CSF1R: variants seen among roughly 807,000 people sequenced by gnomAD.
The protein encoded by CSF1R is colony stimulating factor 1 receptor, also known as macrophage colony-stimulating factor 1 receptor.
Under a neutral mutation model 110.0 loss-of-function variants are expected in CSF1R, and 40 were observed. That is an observed-to-expected ratio of 0.36 (90% CI 0.28 to 0.47). The LOEUF (loss-of-function observed/expected upper bound fraction) is 0.47, where lower values mean the gene tolerates loss of function less well. Ranked by LOEUF, CSF1R falls within the 20% of genes least tolerant of loss-of-function variation. The pLI is 0.99. For synonymous variants in CSF1R, 523 were observed against 503.4 expected (o/e 1.04, Z -0.52); for missense variants, 1,052 against 1,253.0 (o/e 0.84, Z 2.42).
upstream of CSF1R, among the ~76,000 whole-genome samples, chr5:150,091,426 T>C (rs1206077123): frequency 3.3e-5 from 5 of 152,348 alleles, no homozygotes; most frequent in Non-Finnish European, 4.4e-5. Context: ...TTGAATATTA[T>C]TCAGCTATAA....
rs750051732 is a variant in CSF1R, at chr5:150,073,450, C to T, written c.933G>A (p.Gln311=). 1.9e-6 allele frequency: 3 copies of T among 1,614,014 alleles called. No individual in the cohort carries two copies. The highest frequency in any genetic ancestry group is 2.5e-6 in the Non-Finnish European group (3 of 1,179,994). The change falls in exon 6 of 21, where the codon CAG becomes CAA. Residue 311 remains glutamine, a synonymous_variant. Coordinates refer to ENST00000675795, the MANE Select transcript of CSF1R (RefSeq NM_001288705.3). ...TGAGCCCCTCCCCCACGGTCACCTC[C>T]TGGATGAGGTTCTGCTCAGAGCTCA... is the stretch of plus-strand genomic sequence containing the variant. ...LNLSSEQNLI[Q]EVTVGEGLNL...
chr5:150,107,438 C>A (rs1042486418), intron 1 of CSF1R, among the ~76,000 whole-genome samples: 4 of 152,252 alleles, frequency 2.6e-5, no homozygotes, highest in African/African-American at 7.2e-5. Context: ...GCACACTCTT[C>A]ATGCCAGTCT....
intron 10 of CSF1R, among the ~76,000 whole-genome samples, chr5:150,063,181 C>A (rs1757608369): frequency 6.6e-6 from 1 of 152,120 alleles, no homozygotes; most frequent in South Asian, 2.1e-4. Context: ...CCACACCTGG[C>A]TAATTTTTGT....
Position 150,061,795 on chromosome 5 carries a change from A to G in CSF1R, c.1681T>C (p.Tyr561His). 1 of 1,614,202 alleles carries G rather than the reference A, an allele frequency of 6.2e-7. No homozygotes were observed. The highest frequency in any genetic ancestry group is 8.5e-7 in the Non-Finnish European group (1 of 1,180,040). Reference sequence around the variant, plus strand: ...AGCTGCGTGGGGTCGATGAAAGTATAACTGTTGCCCTCATAGCTCTCGATG... The same window carrying G: ...AGCTGCGTGGGGTCGATGAAAGTATGACTGTTGCCCTCATAGCTCTCGATG... Reference protein sequence around the residue: ...KIIESYEGNSYTFIDPTQLPY... With the variant: ...KIIESYEGNSHTFIDPTQLPY... The change falls in exon 11 of 21, where the codon TAT (tyrosine) becomes CAT (histidine). Residue 561 changes from tyrosine to histidine, a missense_variant. Tyr to His is a moderately conservative substitution (Grantham distance 83, BLOSUM62 2). This residue lies in a region of CSF1R where 693 missense variants were observed against 735.4 expected (regional missense o/e 0.94). Transcript: ENST00000675795.
intron 1 of CSF1R, among the ~76,000 whole-genome samples, chr5:150,108,203 A>G (rs1354915655): frequency 1.3e-5 from 2 of 152,256 alleles, no homozygotes; most frequent in African/African-American, 2.4e-5. Context: ...CATAAGAGGC[A>G]CAGACAAAGG....
rs563597428 is a variant in CSF1R at position 150,086,386 on chromosome 5, A to C, written c.42T>G (p.Ala14=). Residue 14 remains alanine (A), a synonymous_variant, in exon 1 of 21, where the codon GCT becomes GCG. Transcript: ENST00000675795. ...GVLLLLLVAT[A]WHGQGIPVIE... Reference sequence around the variant, plus strand: ...CCCCCGTTCTGCTCTTACCATGCCAAGCTGTGGCCACCAGCAGGAGCAGCA... The same window carrying C: ...CCCCCGTTCTGCTCTTACCATGCCACGCTGTGGCCACCAGCAGGAGCAGCA... The C allele has an allele frequency of 2.5e-6, 4 of 1,609,316 alleles. No individual in the cohort carries two copies. Among genetic ancestry groups the C allele is most frequent in the Non-Finnish European group, 3.4e-6 (4 of 1,178,126 alleles).
intron 14 of CSF1R, 24 bp from the exon 15 acceptor site, chr5:150,057,616 G>A (rs1399474614): frequency 2.5e-6 from 4 of 1,591,910 alleles, no homozygotes; most frequent in Middle Eastern, 1.7e-4. Flanking sequence ...AGGGTTGGGG[G>A]GCAGAGGTCA....
intron 3 of CSF1R, among the ~76,000 whole-genome samples, chr5:150,078,726 G>T (rs972685319): frequency 6.6e-6 from 1 of 152,104 alleles, no homozygotes; most frequent in Non-Finnish European, 1.5e-5. Context: ...ACTGCAGCCC[G>T]CTGGACCTCT....
At chr5:150,109,259 T>C (rs1409755472) in intron 1 of CSF1R, among the ~76,000 whole-genome samples, 2 of 152,110 alleles carry the variant, frequency 1.3e-5, no homozygotes, top group African/African-American at 4.8e-5. Context: ...GCTCTGAGCC[T>C]CAACCTCCTC....
chr5:150,061,404 G>T, intron 12 of CSF1R, 87 bp downstream of exon 12: 2 of 1,171,994 alleles, frequency 1.7e-6, no homozygotes, highest in Non-Finnish European at 2.4e-6. Context: ...GTTGAAATGT[G>T]TGTGATGCCT....
upstream of CSF1R, among the ~76,000 whole-genome samples, chr5:150,087,137 G>A (rs957197323): frequency 6.6e-5 from 10 of 152,156 alleles, no homozygotes; most frequent in South Asian, 4.1e-4. Context: ...AAATTGAATC[G>A]GAGGGCACCA....
chr5:150,059,956 T>C, intron 13 of CSF1R, 94 bp from the exon 14 acceptor site: 1 of 1,412,144 alleles, frequency 7.1e-7, no homozygotes, highest in Non-Finnish European at 9.6e-7. Flanking sequence ...CCACTGGACT[T>C]GGACTCAGCA....
At chr5:150,060,644 C>A (rs1297695520) in intron 13 of CSF1R, among the ~76,000 whole-genome samples, 1 of 152,192 alleles carries the variant, frequency 6.6e-6, no homozygotes, top group Non-Finnish European at 1.5e-5. Context: ...GGCTCCGATG[C>A]TCCCTATCAG....
intron 1 of CSF1R, among the ~76,000 whole-genome samples, chr5:150,108,640 T>A (rs1402529937): frequency 6.6e-6 from 1 of 152,162 alleles, no homozygotes; most frequent in African/African-American, 2.4e-5. Flanking sequence ...AAAAGGGACT[T>A]AGAATTCTGT....
intron 1 of CSF1R, among the ~76,000 whole-genome samples, chr5:150,099,028 G>A (rs887779905): frequency 4.0e-5 from 6 of 150,848 alleles, no homozygotes; most frequent in Admixed American, 1.3e-4. Flanking sequence ...CAAGTAGCTG[G>A]GATTGCAGGT....
chr5:150,072,720 G>A (rs539219567), intron 6 of CSF1R, among the ~76,000 whole-genome samples: 7 of 151,542 alleles, frequency 4.6e-5, no homozygotes, highest in Non-Finnish European at 1.0e-4. Flanking sequence ...GTGGAGAGAC[G>A]GAAGAAGAGG....
At chr5:150,088,421 G>T (rs996617966), upstream of CSF1R, among the ~76,000 whole-genome samples, 6 of 152,042 alleles carry the variant, frequency 3.9e-5, no homozygotes, top group African/African-American at 1.2e-4. Flanking sequence ...TGGTACCAAA[G>T]CTAGACCAAG....
chr5:150,081,694 C>A (rs1455510904), intron 1 of CSF1R, among the ~76,000 whole-genome samples: 1 of 152,190 alleles, frequency 6.6e-6, no homozygotes, highest in Non-Finnish European at 1.5e-5. Context: ...TCACCTGTCA[C>A]CAAATAAATG....
chr5:150,073,318 G>C lies in CSF1R; in HGVS notation c.1065C>G (p.Thr355=). Residue 355 remains threonine, a synonymous_variant, in exon 6 of 21, where the codon ACC becomes ACG. Transcript: ENST00000675795. ...HQPEPKLANA[T]TKDTYRHTFT... ...AGTGGTACCTGTATGTGTCCTTGGTGGTAGCATTAGCAAGCTTGGGCTCAG... is the reference window on the plus strand; with the variant it reads ...AGTGGTACCTGTATGTGTCCTTGGTCGTAGCATTAGCAAGCTTGGGCTCAG... 1 of 1,613,870 alleles carries C rather than the reference G, an allele frequency of 6.2e-7. No individual in the cohort carries two copies. Among genetic ancestry groups the C allele is most frequent in the Non-Finnish European group, 8.5e-7 (1 of 1,179,914 alleles).
Sources: allele counts gnomAD v4.1 joint callset (sites outside exome capture counted in the v4.1 genomes callset), GRCh38; gene constraint gnomAD v4.1.1; regional missense constraint gnomAD v4.1.1; transcripts MANE v1.5; gene names NCBI Gene and HGNC (gene_info 2026-07-23, HGNC 2026-07-21).